MAGI1: variants seen among roughly 807,000 people sequenced by gnomAD.
The protein encoded by MAGI1 is membrane-associated guanylate kinase, WW and PDZ domain-containing protein 1.
MAGI1 carries 58 observed loss-of-function variants against 139.9 expected under a neutral mutation model. The ratio of observed to expected loss-of-function variants is 0.41; its 90% confidence interval spans 0.34 to 0.52. MAGI1 has a LOEUF of 0.52. Among genes scored for constraint, MAGI1 ranks in the 20% least tolerant of loss-of-function variants. MAGI1 has a pLI of 0.12. For synonymous variants in MAGI1, 812 were observed against 737.9 expected (o/e 1.10, Z -1.63); for missense variants, 1,874 against 1,901.6 (o/e 0.99, Z 0.27).
At chr3:65,833,496 G>C (rs2042640278) in intron 1 of MAGI1, among the ~76,000 whole-genome samples, 1 of 152,106 alleles carries the variant, frequency 6.6e-6, no homozygotes, top group Non-Finnish European at 1.5e-5. Context: ...CAACAGCATA[G>C]TTACAACTCC....
chr3:65,448,249 G>T, intron 6 of MAGI1, 192 bp from the exon 7 acceptor site: 1 of 610,268 alleles, frequency 1.6e-6, no homozygotes, highest in East Asian at 2.8e-5. Context: ...CACAAAACGG[G>T]AAGAGCTGAT....
At chr3:65,724,222 G>C (rs567805968) in intron 1 of MAGI1, among the ~76,000 whole-genome samples, 1 of 152,326 alleles carries the variant, frequency 6.6e-6, no homozygotes, top group African/African-American at 2.4e-5. Flanking sequence ...GTCATGGAGA[G>C]GGATGCTAAC....
intron 1 of MAGI1, among the ~76,000 whole-genome samples, chr3:65,861,230 A>C (rs1241658276): frequency 6.6e-6 from 1 of 152,238 alleles, no homozygotes; most frequent in Non-Finnish European, 1.5e-5. Context: ...GAGGCTGAAG[A>C]AGGCTGTTGC....
intron 1 of MAGI1, among the ~76,000 whole-genome samples, chr3:65,690,294 GAC>G (rs2088463758): frequency 6.6e-6 from 1 of 152,108 alleles, no homozygotes; most frequent in Non-Finnish European, 1.5e-5. Context: ...GAGTCCTGGT[GAC>G]ACACTCTTTT....
intron 2 of MAGI1, among the ~76,000 whole-genome samples, chr3:65,509,942 C>T (rs1023577284): frequency 6.6e-6 from 1 of 152,290 alleles, no homozygotes; most frequent in East Asian, 1.9e-4. Context: ...TCTCCCAGCA[C>T]GCAGAAGGAG....
chr3:65,734,064 A>C (rs1052333122), intron 1 of MAGI1, among the ~76,000 whole-genome samples: 1 of 152,234 alleles, frequency 6.6e-6, no homozygotes, highest in Admixed American at 6.5e-5. Flanking sequence ...CTCAAAAAGA[A>C]GAACATCGTC....
Position 65,748,518 on chromosome 3 carries a change from G to A in MAGI1, c.314-126430C>T, listed in dbSNP as rs189863093. 3.7e-3 allele frequency among the ~76,000 whole-genome samples: 559 copies of A among 152,304 alleles called. 2 individuals are homozygous for A. Among genetic ancestry groups the A allele is most frequent in the African/African-American group, 0.012 (483 of 41,572 alleles). ...AGGAAAGTTATGTATCTATTCAAAGGATAAGAATTTGCAGCTGCCGCTTTG... is the reference window on the plus strand; with the variant it reads ...AGGAAAGTTATGTATCTATTCAAAGAATAAGAATTTGCAGCTGCCGCTTTG... On this transcript the variant is annotated intron_variant, in intron 1 of 22. Transcript: ENST00000402939.
chr3:65,443,599 G>C (rs1948487833), intron 7 of MAGI1, among the ~76,000 whole-genome samples: 1 of 152,096 alleles, frequency 6.6e-6, no homozygotes, highest in Non-Finnish European at 1.5e-5. Context: ...ACAGGTAATA[G>C]TTCTGTCTGA....
intron 12 of MAGI1, among the ~76,000 whole-genome samples, chr3:65,406,578 A>C (rs1422589642): frequency 6.6e-6 from 1 of 152,174 alleles, no homozygotes; most frequent in Non-Finnish European, 1.5e-5. Flanking sequence ...ATTTTAGTGG[A>C]AACATTTTGC....
chr3:65,457,647 T>C (rs1949492735), intron 5 of MAGI1, among the ~76,000 whole-genome samples: 1 of 151,864 alleles, frequency 6.6e-6, no homozygotes, highest in Admixed American at 6.6e-5. Context: ...ACACTTGCTA[T>C]TTATTAAATT....
At chr3:65,677,765 C>T (rs539348829) in intron 1 of MAGI1, among the ~76,000 whole-genome samples, 38 of 152,262 alleles carry the variant, frequency 2.5e-4, no homozygotes, top group Admixed American at 2.0e-3. Flanking sequence ...GCACCTTGGC[C>T]GAACCCCAAT....
At position 65,832,610 on chromosome 3, in the gene MAGI1, T is replaced by G. The variant is rs116973899; in HGVS notation, c.313+205386A>C. Among the ~76,000 whole-genome samples, 10 of 152,148 alleles carry G rather than the reference T, an allele frequency of 6.6e-5. No homozygotes were observed. The East Asian group carries it at 1.9e-3, about 30-fold the overall frequency. ...AAAGCACTCAGCCCAAAGCTTCTCT[T>G]CCAACAATTACCATGTGTTTTGGAG... On this transcript the variant is annotated intron_variant, in intron 1 of 22. Transcript: ENST00000402939.
intron 13 of MAGI1, among the ~76,000 whole-genome samples, chr3:65,397,358 G>C (rs1944471417): frequency 1.3e-5 from 2 of 152,236 alleles, no homozygotes; most frequent in South Asian, 4.1e-4. Flanking sequence ...TCTTGCAGGG[G>C]AAAGGGACAG....
chr3:65,760,388 A>ATTT (rs5849690), intron 1 of MAGI1, among the ~76,000 whole-genome samples: 7 of 145,206 alleles, frequency 4.8e-5, no homozygotes, highest in African/African-American at 1.8e-4. Context: ...CAGAGCGGTA[A>ATTT]TTTTTTTTTT....
chr3:65,845,861 G>A (rs1248173146), intron 1 of MAGI1, among the ~76,000 whole-genome samples: 1 of 152,150 alleles, frequency 6.6e-6, no homozygotes, highest in East Asian at 1.9e-4. Context: ...TATCATTCAG[G>A]ATGCCAGCCA....
chr3:65,533,851 T>C (rs2078826861), intron 2 of MAGI1, among the ~76,000 whole-genome samples: 2 of 152,138 alleles, frequency 1.3e-5, no homozygotes, highest in African/African-American at 4.8e-5. Flanking sequence ...TCCCAAATAT[T>C]ACATCCATCC....
intron 2 of MAGI1, among the ~76,000 whole-genome samples, chr3:65,552,887 T>C (rs568644225): frequency 6.6e-6 from 1 of 152,340 alleles, no homozygotes; most frequent in Non-Finnish European, 1.5e-5. Context: ...TTGTGTAATA[T>C]CCTGATTAAC....
chr3:65,779,922 A>G (rs1160257859), intron 1 of MAGI1, among the ~76,000 whole-genome samples: 1 of 152,154 alleles, frequency 6.6e-6, no homozygotes, highest in Non-Finnish European at 1.5e-5. Context: ...TAACAAAGAA[A>G]AAAAAATGAC....
At chr3:66,035,660 A>G (rs1205113769) in intron 1 of MAGI1, among the ~76,000 whole-genome samples, 2 of 152,044 alleles carry the variant, frequency 1.3e-5, no homozygotes, top group African/African-American at 2.4e-5. Context: ...TCATATTTCT[A>G]TCCCATTACA....
Sources: gnomAD v4.1 joint callset for allele counts (sites outside exome capture counted in the v4.1 genomes callset) on GRCh38, gnomAD v4.1.1 for gene constraint, MANE v1.5 for transcripts, NCBI Gene and HGNC (gene_info 2026-07-23, HGNC 2026-07-21) for gene names.